The following CMTR1 variants were observed in gnomAD, a reference collection of about 807,000 sequenced individuals.
CMTR1 encodes the protein cap methyltransferase 1, also known as cap-specific mRNA (nucleoside-2'-O-)-methyltransferase 1.
In CMTR1, 39 loss-of-function variants were observed where a neutral mutation model predicts 107.0. That is an observed-to-expected ratio of 0.36 (90% confidence interval 0.28 to 0.48). The LOEUF (loss-of-function observed/expected upper bound fraction) is 0.48, where lower values mean the gene tolerates loss of function less well. Among genes scored for constraint, CMTR1 ranks in the 20% least tolerant of loss-of-function variants. CMTR1 has a pLI of 0.99. For synonymous variants in CMTR1, 366 were observed against 379.5 expected, an observed-to-expected ratio of 0.96 and a Z score of 0.41; for missense variants, 672 against 1,064.9, an observed-to-expected ratio of 0.63 and a Z score of 5.14.
the CMTR1 span, among the ~76,000 whole-genome samples, chr6:37,425,157 TGGTCTC>T: frequency 1.3e-4 from 20 of 151,950 alleles, no homozygotes; most frequent in East Asian, 3.1e-3. Context: ...TTGGCCAGGC[TGGTCTC>T]GAACTCCTGA....
At chr6:37,465,886 A>C (rs1761498485) in intron 13 of CMTR1, among the ~76,000 whole-genome samples, 1 of 150,868 alleles carries the variant, frequency 6.6e-6, no homozygotes, top group Non-Finnish European at 1.5e-5. Context: ...GATATTAATC[A>C]CTTGTCAGAT....
intron 2 of CMTR1, among the ~76,000 whole-genome samples, chr6:37,437,889 G>T (rs1771574232): frequency 6.6e-6 from 1 of 152,196 alleles, no homozygotes; most frequent in Non-Finnish European, 1.5e-5. Flanking sequence ...TTGCTCTCAA[G>T]TAACATCTCT....
chr6:37,453,968 C>T (rs996569465), intron 8 of CMTR1, among the ~76,000 whole-genome samples: 5 of 152,164 alleles, frequency 3.3e-5, no homozygotes, highest in African/African-American at 1.2e-4. Context: ...ACAAGCTTTG[C>T]GTGGGATCAT....
chr6:37,440,350 G>A (rs1398251729), intron 2 of CMTR1, among the ~76,000 whole-genome samples: 2 of 152,156 alleles, frequency 1.3e-5, no homozygotes, highest in African/African-American at 4.8e-5. Context: ...CGTGACAATT[G>A]TCTCCCTTTC....
At chr6:37,462,662 T>C (rs565827316) in intron 12 of CMTR1, among the ~76,000 whole-genome samples, 167 bp from the exon 13 acceptor site, 79 of 152,158 alleles carry the variant, frequency 5.2e-4, no homozygotes, top group Non-Finnish European at 9.7e-4. Flanking sequence ...AGAGAAGGAT[T>C]TGAGGGGAAC....
intron 13 of CMTR1, among the ~76,000 whole-genome samples, chr6:37,464,192 G>A (rs770608629): frequency 2.6e-5 from 4 of 152,150 alleles, no homozygotes; most frequent in Non-Finnish European, 5.9e-5. Context: ...GTGGCCGGGC[G>A]TAGTGGCTCA....
At position 37,478,442 on chromosome 6, in the gene CMTR1, C is replaced by G; in HGVS notation, c.2187C>G (p.Gly729=). 1 of 1,614,056 alleles carries G rather than the reference C, an allele frequency of 6.2e-7. No individual in the cohort carries two copies. Among genetic ancestry groups the G allele is most frequent in the Middle Eastern group, 1.7e-4 (1 of 6,060 alleles). The change falls in exon 22 of 24, where the codon GGC becomes GGG. Residue 729 remains glycine (G), a synonymous_variant. Coordinates refer to ENST00000373451, the MANE Select transcript of CMTR1 (RefSeq NM_015050.3). ...TGAAGATCATCAAGGGCTCCAGTGG[C>G]ACCCCAAAGCTCAGCTACACAGGGC... The part of the protein sequence containing the change: ...LEMKIIKGSS[G]TPKLSYTGRD...
At chr6:37,442,070 A>G (rs1771688162) in intron 2 of CMTR1, among the ~76,000 whole-genome samples, 1 of 152,196 alleles carries the variant, frequency 6.6e-6, no homozygotes, top group African/African-American at 2.4e-5. Flanking sequence ...TCTTTTGTAA[A>G]ATGTTGTATC....
At chr6:37,428,008 C>CAGAGACAG in the CMTR1 span, among the ~76,000 whole-genome samples, 1 of 114,768 alleles carries the variant, frequency 8.7e-6, no homozygotes, top group Admixed American at 9.5e-5. Context: ...GCAACAGAGA[C>CAGAGACAG]AGAGAGAGAG....
At chr6:37,451,070 G>C (rs1232340801) in intron 5 of CMTR1, among the ~76,000 whole-genome samples, 1 of 151,656 alleles carries the variant, frequency 6.6e-6, no homozygotes, top group Non-Finnish European at 1.5e-5. Context: ...TTTTGGAAAT[G>C]TTATTTTTCT....
At chr6:37,479,932 C>G in intron 23 of CMTR1, 81 bp from the exon 24 acceptor site, 4 of 1,327,796 alleles carry the variant, frequency 3.0e-6, no homozygotes, top group Non-Finnish European at 4.0e-6. Flanking sequence ...ACAGACCCCT[C>G]CGCCCCACAC....
intron 6 of CMTR1, 139 bp downstream of exon 6, chr6:37,452,016 A>C (rs978645588): frequency 3.1e-6 from 2 of 642,342 alleles, no homozygotes; most frequent in African/African-American, 3.7e-5. Flanking sequence ...AGCTTGGTTC[A>C]TATCTGCAAA....
chr6:37,443,962 A>G (rs770189154), intron 2 of CMTR1, 37 bp from the exon 3 acceptor site: 8 of 1,608,508 alleles, frequency 5.0e-6, no homozygotes, highest in Non-Finnish European at 6.8e-6. Flanking sequence ...ATTTTGTGCC[A>G]TAAACCTACC....
intron 21 of CMTR1, among the ~76,000 whole-genome samples, chr6:37,477,905 G>A (rs1458275705): frequency 2.0e-5 from 3 of 152,238 alleles, no homozygotes; most frequent in Non-Finnish European, 4.4e-5. Flanking sequence ...TCATAGTTAC[G>A]ATGGGCCCTG....
At chr6:37,477,072 C>A (rs977075694) in intron 20 of CMTR1, among the ~76,000 whole-genome samples, 1 of 152,176 alleles carries the variant, frequency 6.6e-6, no homozygotes, top group African/African-American at 2.4e-5. Context: ...ATGTTCAGGG[C>A]CCCCAAGAGC....
intron 4 of CMTR1, among the ~76,000 whole-genome samples, chr6:37,446,781 C>G (rs1017405180): frequency 1.3e-5 from 2 of 152,208 alleles, no homozygotes; most frequent in Admixed American, 6.5e-5. Context: ...GCAGTGTGCT[C>G]TCTGCTGAAA....
At chr6:37,443,596 C>T (rs575673533) in intron 2 of CMTR1, among the ~76,000 whole-genome samples, 1 of 152,296 alleles carries the variant, frequency 6.6e-6, no homozygotes, top group South Asian at 2.1e-4. Flanking sequence ...CTCAAGTGAT[C>T]CGCCCACCTC....
intron 13 of CMTR1, among the ~76,000 whole-genome samples, chr6:37,468,744 A>G (rs1761560133): frequency 1.3e-5 from 2 of 152,090 alleles, no homozygotes; most frequent in Admixed American, 6.5e-5. Context: ...TTAGCCCGGC[A>G]TGATGGCGGG....
chr6:37,445,458 A>G (rs193083204), intron 3 of CMTR1, among the ~76,000 whole-genome samples: 183 of 148,300 alleles, frequency 1.2e-3, no homozygotes, highest in Non-Finnish European at 2.2e-3. Flanking sequence ...TCTGTCCCAG[A>G]GTATTATAGT....
Sources: allele counts gnomAD v4.1 joint callset (sites outside exome capture counted in the v4.1 genomes callset), GRCh38; gene constraint gnomAD v4.1.1; transcripts MANE v1.5; gene names NCBI Gene and HGNC (gene_info 2026-07-23, HGNC 2026-07-21).